The following CACNA1B variants were observed in gnomAD, a reference collection of about 807,000 sequenced individuals.
The protein encoded by CACNA1B is voltage-dependent N-type calcium channel subunit alpha-1B.
In CACNA1B, 70 loss-of-function variants were observed where a neutral mutation model predicts 247.2. The ratio of observed to expected loss-of-function variants is 0.28; its 90% CI spans 0.23 to 0.35. The LOEUF (loss-of-function observed/expected upper bound fraction) is 0.35, where lower values mean the gene tolerates loss of function less well. Ranked by LOEUF, CACNA1B falls within the 10% of genes least tolerant of loss-of-function variation. The probability of loss-of-function intolerance (pLI) is 1.00; values close to 1 mark genes in which losing one functional copy is unlikely to be tolerated. For missense variants in CACNA1B, 2,367 were observed against 3,197.4 expected, an observed-to-expected ratio of 0.74 and a Z score of 6.26; for synonymous variants, 1,231 against 1,294.4, an observed-to-expected ratio of 0.95 and a Z score of 1.05.
At position 137,971,362 on chromosome 9, in the gene CACNA1B, A is replaced by C. The variant is rs1207113425; in HGVS notation, c.1334-21A>C. On this transcript the variant is annotated intron_variant, in intron 10 of 46. Coordinates refer to ENST00000371372, the MANE Select transcript of CACNA1B (RefSeq NM_000718.4). This position sits in a 1 kb window ranked among gnomAD's most constrained non-coding sequence, Gnocchi z 4.4. ...GGTGCCCATTGGTCCCCACATCCTC[A>C]GTAACTCCCCATCCCCTCAGGATCC... is the stretch of plus-strand genomic sequence containing the variant. 6.3e-7 allele frequency: 1 copy of C among 1,584,338 alleles called. No individual in the cohort carries two copies. Among genetic ancestry groups the C allele is most frequent in the Admixed American group, 1.8e-5 (1 of 57,118 alleles).
chr9:137,915,836 AAG>A (rs1957403991), intron 5 of CACNA1B, among the ~76,000 whole-genome samples: 1 of 151,810 alleles, frequency 6.6e-6, no homozygotes, highest in Non-Finnish European at 1.5e-5. Flanking sequence ...AAAAAAAAAA[AAG>A]AACTGGAAAG....
intron 26 of CACNA1B, among the ~76,000 whole-genome samples, chr9:138,056,356 C>T (rs1959497984): frequency 6.6e-6 from 1 of 152,190 alleles, no homozygotes; most frequent in Non-Finnish European, 1.5e-5. Context: ...TTGTGAGTAG[C>T]TTCTTTCGTG....
At chr9:137,889,383 C>G (rs1318621654) in intron 3 of CACNA1B, among the ~76,000 whole-genome samples, 2 of 149,424 alleles carry the variant, frequency 1.3e-5, no homozygotes, top group East Asian at 1.9e-4. Flanking sequence ...AGGCCCTGAC[C>G]CTCCCTCCCT....
chr9:138,034,109 A>G (rs1314594148), intron 20 of CACNA1B, among the ~76,000 whole-genome samples: 1 of 152,054 alleles, frequency 6.6e-6, no homozygotes, highest in Non-Finnish European at 1.5e-5. Flanking sequence ...GTATCTTGTT[A>G]CTGTTCCCCA....
In CACNA1B at chr9:138,051,505, G is replaced by C. The variant is rs1959277672; in HGVS notation, c.3711-587G>C. ...CCTCCCTCTCCCCTTGTTTGTCTTAGTCCACCATGCCTCTTGCATTGCCTC... is the reference window on the plus strand; with the variant it reads ...CCTCCCTCTCCCCTTGTTTGTCTTACTCCACCATGCCTCTTGCATTGCCTC... On this transcript the variant is annotated intron_variant, in intron 24 of 46. Coordinates refer to ENST00000371372, the MANE Select transcript of CACNA1B (RefSeq NM_000718.4). This position sits in a 1 kb window ranked among gnomAD's most constrained non-coding sequence, Gnocchi z 4.3. 2.5e-5 allele frequency among the ~76,000 whole-genome samples: 3 copies of C among 120,938 alleles called. No homozygotes were observed. In the South Asian group the frequency reaches 8.8e-4, roughly 36 times the overall value. The allele number at this position is 120,938 out of a possible 152,430, so 79.3% of individuals were successfully genotyped here. A position where few individuals can be genotyped will look rare whatever the true frequency, so the allele number is the denominator to read the frequency against.
At position 137,984,250 on chromosome 9, in the gene CACNA1B, AG is replaced by A; in HGVS notation, c.1769+1del. 6.3e-7 allele frequency: 1 copy of A among 1,578,918 alleles called. No homozygotes were observed. Among genetic ancestry groups the A allele is most frequent in the Non-Finnish European group, 8.6e-7 (1 of 1,161,574 alleles). On this transcript the variant is annotated splice_donor_variant, in intron 13 of 46. Coordinates refer to ENST00000371372, the MANE Select transcript of CACNA1B (RefSeq NM_000718.4). LOFTEE classifies it high-confidence loss of function. ...CTGCTGAGGATCTTCAAAGTCACGA[AG>A]TACGTCCCCTGCGCTCCCAGGCGAG...
At position 137,986,754 on chromosome 9, in the gene CACNA1B, A is replaced by G; in HGVS notation, c.1902-28A>G. 6.3e-7 allele frequency: 1 copy of G among 1,595,398 alleles called. No individual in the cohort carries two copies. The highest frequency in any genetic ancestry group is 8.6e-7 in the Non-Finnish European group (1 of 1,163,084). On this transcript the variant is annotated intron_variant, in intron 14 of 46. Transcript: ENST00000371372. The surrounding 1 kb of genome is among the most constrained non-coding windows in gnomAD (Gnocchi z 6.0). Reference sequence around the variant, plus strand: ...CTGCCTCGCTGCTGACGGGACTGCCACTTCCCAAGCCTTCCTGTTTTCCTC... The same window carrying G: ...CTGCCTCGCTGCTGACGGGACTGCCGCTTCCCAAGCCTTCCTGTTTTCCTC...
chr9:137,913,002 G>A lies in CACNA1B; in HGVS notation c.531-178G>A, dbSNP rs1957374551. On this transcript the variant is annotated intron_variant, in intron 3 of 46. Transcript: ENST00000371372. The surrounding 1 kb of genome is among the most constrained non-coding windows in gnomAD (Gnocchi z 5.2). ...TCACCTGGCAAGCCGCTCTGTGCTG[G>A]CCCTGTGGTTGGACAGTGGGGGGAC... 6.7e-6 allele frequency among the ~76,000 whole-genome samples: 1 copy of A among 148,784 alleles called. No individual in the cohort carries two copies. The highest frequency in any genetic ancestry group is 2.4e-5 in the African/African-American group (1 of 41,294).
At chr9:138,022,791 C>T (rs1451911138) in intron 18 of CACNA1B, among the ~76,000 whole-genome samples, 2 of 133,368 alleles carry the variant, frequency 1.5e-5, no homozygotes, top group African/African-American at 3.1e-5. Flanking sequence ...CCTTGCGGGT[C>T]CTGTGGGACA....
intron 6 of CACNA1B, among the ~76,000 whole-genome samples, chr9:137,928,846 A>G (rs754939400): frequency 2.6e-5 from 4 of 152,178 alleles, no homozygotes; most frequent in Admixed American, 1.3e-4. Context: ...AGATTTGTCT[A>G]TTCCAGACAT....
chr9:137,914,018 A>G lies in CACNA1B; in HGVS notation c.623-636A>G, dbSNP rs1270953228. ...CAGGCTCCTCTGCCCAGTTCCTCAC[A>G]TGCTGTATGGCCAGTGGCAGAACAT... On this transcript the variant is annotated intron_variant, in intron 4 of 46. Transcript: ENST00000371372. The surrounding 1 kb of genome is among the most constrained non-coding windows in gnomAD (Gnocchi z 4.3). 1.3e-5 allele frequency among the ~76,000 whole-genome samples: 2 copies of G among 152,138 alleles called. No homozygotes were observed. The highest frequency in any genetic ancestry group is 2.4e-5 in the African/African-American group (1 of 41,420).
In CACNA1B at chr9:138,046,873, G is replaced by A. The variant is rs41290001; in HGVS notation, c.3414-31G>A. The A allele has an allele frequency of 0.018, 29,215 of 1,606,278 alleles. 322 individuals are homozygous for A. The highest frequency in any genetic ancestry group is 0.022 in the Non-Finnish European group (25,255 of 1,174,530). On this transcript the variant is annotated intron_variant, in intron 21 of 46. Coordinates refer to ENST00000371372, the MANE Select transcript of CACNA1B (RefSeq NM_000718.4). The stretch of plus-strand genomic sequence containing the variant: ...AAGGGGTGGCGCGCCCGGCTGGGGG[G>A]CCTTGTGGTGATCCGTGCCTTCCCT...
At chr9:138,085,096 A>T (rs1176250987) in intron 36 of CACNA1B, among the ~76,000 whole-genome samples, 1 of 151,204 alleles carries the variant, frequency 6.6e-6, no homozygotes, top group East Asian at 2.0e-4. Context: ...ACAAGATACA[A>T]GAAAATACAG....
In CACNA1B at chr9:137,988,386, G is replaced by A. The variant is rs535990696; in HGVS notation, c.1974+1532G>A. 2.6e-5 allele frequency among the ~76,000 whole-genome samples: 4 copies of A among 152,308 alleles called. No individual in the cohort carries two copies. In the South Asian group the frequency reaches 8.3e-4, roughly 32 times the overall value. The stretch of plus-strand genomic sequence containing the variant: ...TGCCCTGTAGAAGCTGTTGCAGGGA[G>A]GGGCTCCATGCCAGGGGGGTGGCAT... On this transcript the variant is annotated intron_variant, in intron 15 of 46. Transcript: ENST00000371372.
Position 137,914,539 on chromosome 9 carries a change from C to A in CACNA1B, c.623-115C>A. 3 of 834,742 alleles carry A rather than the reference C, an allele frequency of 3.6e-6. No homozygotes were observed. The highest frequency in any genetic ancestry group is 1.7e-5 in the African/African-American group (1 of 59,232). The allele number at this position is 834,742 out of a possible 1,614,324, so 51.7% of individuals were successfully genotyped here. Reference sequence around the variant, plus strand: ...TATCCTTTGCCCTTGCAAGCACTCACTGCTTAGCACCTTGCTGTCCCTGCT... The same window carrying A: ...TATCCTTTGCCCTTGCAAGCACTCAATGCTTAGCACCTTGCTGTCCCTGCT... On this transcript the variant is annotated intron_variant, in intron 4 of 46. Coordinates refer to ENST00000371372, the MANE Select transcript of CACNA1B (RefSeq NM_000718.4). This position sits in a 1 kb window ranked among gnomAD's most constrained non-coding sequence, Gnocchi z 4.3.
chr9:138,088,959 CAAAAAAAAAAAAAAAAAAAAAAAA>C (rs56112600), intron 36 of CACNA1B, among the ~76,000 whole-genome samples: 1 of 61,396 alleles, frequency 1.6e-5, no homozygotes, highest in Admixed American at 3.0e-4. Flanking sequence ...AACTCCGTCT[CAAAAAAAAAAAAAAAAAAAAAAAA>C]AAAAAAAAAA....
chr9:137,877,909 G>C lies in CACNA1B; in HGVS notation c.-25G>C, dbSNP rs1359031958. 3.8e-5 allele frequency: 39 copies of C among 1,019,164 alleles called. No individual in the cohort carries two copies. In the South Asian group the frequency reaches 1.6e-3, roughly 41 times the overall value. 63.1% of individuals were successfully genotyped at this position (1,019,164 alleles called of 1,614,324 possible). A position where few individuals can be genotyped will look rare whatever the true frequency, so the allele number is the denominator to read the frequency against. ...CCTCCCTGCCGGGGCCGCTGGGCCG[G>C]GGATGCACGCGGGGCCCGGGAGCCA... On this transcript the variant is annotated 5_prime_UTR_variant, in exon 1 of 47. Transcript: ENST00000371372.
chr9:138,104,381 C>T (rs948971445), intron 38 of CACNA1B, among the ~76,000 whole-genome samples: 19 of 152,184 alleles, frequency 1.2e-4, no homozygotes, highest in Non-Finnish European at 2.1e-4. Context: ...ATCCCCAACG[C>T]CCCCCAACGC....
chr9:137,916,770 G>A (rs756424292), intron 5 of CACNA1B, among the ~76,000 whole-genome samples: 2 of 152,034 alleles, frequency 1.3e-5, no homozygotes, highest in Admixed American at 1.3e-4. Context: ...TGAGGGAGAG[G>A]AACGGTCCTC....
Sources: gnomAD v4.1 joint callset for allele counts (sites outside exome capture counted in the v4.1 genomes callset) on GRCh38, gnomAD v4.1.1 for gene constraint, Gnocchi (gnomAD v3.1) non-coding constraint, MANE v1.5 for transcripts, NCBI Gene and HGNC (gene_info 2026-07-23, HGNC 2026-07-21) for gene names.